The following RANBP2 variants were observed in gnomAD, a reference collection of about 807,000 sequenced individuals.
RANBP2 encodes the protein E3 SUMO-protein ligase RanBP2.
RANBP2 carries 57 observed loss-of-function variants against 303.6 expected under a neutral mutation model. The ratio of observed to expected loss-of-function variants is 0.19; its 90% CI spans 0.15 to 0.23. RANBP2 has a LOEUF of 0.23. Among genes scored for constraint, RANBP2 ranks in the 10% least tolerant of loss-of-function variants. The pLI is 1.00. For synonymous variants in RANBP2, 1,167 were observed against 1,301.5 expected (o/e 0.90, Z 2.23); for missense variants, 3,138 against 3,780.8 (o/e 0.83, Z 4.46).
chr2:108,955,946 G>A, the RANBP2 span, among the ~76,000 whole-genome samples: 19 of 150,534 alleles, frequency 1.3e-4, no homozygotes, highest in African/African-American at 2.7e-4. Context: ...GAAGAATGGC[G>A]GGAACCCAGG....
chr2:109,135,035 C>T, the RANBP2 span, among the ~76,000 whole-genome samples: 1,070 of 152,350 alleles, frequency 7.0e-3, 16 homozygotes, highest in African/African-American at 0.025. Flanking sequence ...TTCTGCTCTG[C>T]TCCTCTGTTG....
At chr2:109,625,498 C>CAAAA in the RANBP2 span, among the ~76,000 whole-genome samples, 1 of 133,584 alleles carries the variant, frequency 7.5e-6, no homozygotes, top group Non-Finnish European at 1.6e-5. Context: ...ACTAAAAATA[C>CAAAA]AAAAAAAAAA....
At chr2:109,553,168 C>T in the RANBP2 span, 2 of 1,614,172 alleles carry the variant, frequency 1.2e-6, no homozygotes, top group Non-Finnish European at 1.7e-6. Context: ...CTTCCTTCCT[C>T]TGACGTTCAC....
the RANBP2 span, among the ~76,000 whole-genome samples, chr2:109,698,261 A>G: frequency 6.6e-6 from 1 of 151,682 alleles, no homozygotes; most frequent in Non-Finnish European, 1.5e-5. Flanking sequence ...TGTTCATTTT[A>G]GACACTGTAT....
the RANBP2 span, among the ~76,000 whole-genome samples, chr2:109,055,813 T>A: frequency 6.9e-6 from 1 of 145,862 alleles, no homozygotes; most frequent in Non-Finnish European, 1.5e-5. Context: ...TAGGCTGGAG[T>A]GCAGTGGCGC....
In RANBP2 at chr2:108,772,966, G is replaced by A; in HGVS notation, c.8212G>A (p.Gly2738Arg). ...AAAACTTCCACCTACATTTTTTTGT[G>A]GAGTCTGTAGTGATACTGATGAAGA... ...TLKLPPTFFCGVCSDTDEDNG... is the reference protein window; with the variant it reads ...TLKLPPTFFCRVCSDTDEDNG... The change falls in exon 23 of 29, where the codon GGA becomes AGA. Residue 2738 changes from glycine to arginine, a missense_variant. Coordinates refer to ENST00000283195, the MANE Select transcript of RANBP2 (RefSeq NM_006267.5). The A allele has an allele frequency of 6.2e-7, 1 of 1,613,810 alleles. No homozygotes were observed. Among genetic ancestry groups the A allele is most frequent in the Non-Finnish European group, 8.5e-7 (1 of 1,179,868 alleles).
the RANBP2 span, chr2:109,614,406 C>T: frequency 2.0e-5 from 21 of 1,040,566 alleles, no homozygotes; most frequent in Middle Eastern, 3.7e-4. Flanking sequence ...CAGACTCCGC[C>T]GCCGTCGGGA....
chr2:109,726,981 G>A, the RANBP2 span, among the ~76,000 whole-genome samples: 1 of 152,196 alleles, frequency 6.6e-6, no homozygotes, highest in Admixed American at 6.5e-5. Flanking sequence ...GAGACTGAAT[G>A]AGAACTGGCT....
chr2:108,977,425 T>C, the RANBP2 span, among the ~76,000 whole-genome samples: 1 of 152,120 alleles, frequency 6.6e-6, no homozygotes, highest in South Asian at 2.1e-4. Context: ...CCCGCCACCA[T>C]GCCTGGCTAA....
the RANBP2 span, among the ~76,000 whole-genome samples, chr2:109,720,716 C>T: frequency 2.6e-4 from 40 of 152,168 alleles, no homozygotes; most frequent in Non-Finnish European, 2.6e-4. Context: ...CATCCAATCT[C>T]CTTAGTTTTC....
chr2:109,034,870 T>C, the RANBP2 span, among the ~76,000 whole-genome samples: 23 of 152,042 alleles, frequency 1.5e-4, no homozygotes, highest in Admixed American at 1.5e-3. Context: ...CAAAAGATTA[T>C]CCAAAAGCCC....
the RANBP2 span, among the ~76,000 whole-genome samples, chr2:108,908,802 G>T: frequency 3.9e-5 from 6 of 152,154 alleles, no homozygotes; most frequent in Non-Finnish European, 7.3e-5. Flanking sequence ...TTAAAAAAAG[G>T]ATTATATTTG....
the RANBP2 span, among the ~76,000 whole-genome samples, chr2:109,373,929 C>T: frequency 3.3e-5 from 5 of 152,050 alleles, no homozygotes; most frequent in African/African-American, 7.3e-5. Flanking sequence ...GGTGCAGGCC[C>T]GAGACCCAGT....
chr2:108,964,202 GC>G, the RANBP2 span, among the ~76,000 whole-genome samples: 1 of 152,156 alleles, frequency 6.6e-6, no homozygotes, highest in Non-Finnish European at 1.5e-5. Context: ...AAACATCCAG[GC>G]TTGTATAGAT....
chr2:109,447,363 CGGTGCTACTTCCCGT>C, the RANBP2 span, among the ~76,000 whole-genome samples: 17 of 152,170 alleles, frequency 1.1e-4, no homozygotes, highest in Non-Finnish European at 2.2e-4. Flanking sequence ...GTATGTCTCA[CGGTGCTACTTCCCGT>C]GGCCTCCAAA....
the RANBP2 span, among the ~76,000 whole-genome samples, chr2:109,017,422 G>T: frequency 7.2e-5 from 11 of 152,306 alleles, no homozygotes; most frequent in African/African-American, 2.6e-4. Flanking sequence ...GCGAGCAAGT[G>T]GTGGAAGCAA....
chr2:109,545,253 C>T, the RANBP2 span: 1 of 1,371,288 alleles, frequency 7.3e-7, no homozygotes, highest in Non-Finnish European at 9.4e-7. Context: ...TCCTCAAGAG[C>T]CAAATAGTTA....
At chr2:108,854,175 G>C in the RANBP2 span, among the ~76,000 whole-genome samples, 3 of 145,586 alleles carry the variant, frequency 2.1e-5, no homozygotes, top group African/African-American at 7.6e-5. Flanking sequence ...TGTCCTACTT[G>C]GCACTTGGCT....
At chr2:109,398,895 G>A in the RANBP2 span, 42 of 1,613,438 alleles carry the variant, frequency 2.6e-5, no homozygotes, top group South Asian at 2.6e-4. Flanking sequence ...CCCGAGCCGC[G>A]GCCAGGATTG....
Sources: allele counts gnomAD v4.1 joint callset (sites outside exome capture counted in the v4.1 genomes callset), GRCh38; gene constraint gnomAD v4.1.1; transcripts MANE v1.5; gene names NCBI Gene and HGNC (gene_info 2026-07-23, HGNC 2026-07-21).